Variants in HS6ST3 observed in about 807,000 individuals in gnomAD.
HS6ST3 encodes heparan-sulfate 6-O-sulfotransferase 3.
In HS6ST3, 12 loss-of-function variants were observed where a neutral mutation model predicts 36.7. The observed-to-expected ratio is 0.33, with a 90% CI of 0.21 to 0.53. HS6ST3 has a LOEUF of 0.53. HS6ST3 is among the 20% of genes least tolerant of loss of function. The probability of loss-of-function intolerance (pLI) is 0.95; values close to 1 mark genes in which losing one functional copy is unlikely to be tolerated. For missense variants in HS6ST3, 584 were observed against 640.9 expected, an observed-to-expected ratio of 0.91 and a Z score of 0.96; for synonymous variants, 240 against 257.5, an observed-to-expected ratio of 0.93 and a Z score of 0.65.
chr13:96,166,519 A>G (rs1235956484), intron 1 of HS6ST3, among the ~76,000 whole-genome samples: 2 of 151,300 alleles, frequency 1.3e-5, no homozygotes, highest in African/African-American at 4.9e-5. Context: ...TAGTCTTTTA[A>G]TATAGTCTAG....
At chr13:96,099,435 A>G (rs1341988186) in intron 1 of HS6ST3, among the ~76,000 whole-genome samples, 1 of 152,234 alleles carries the variant, frequency 6.6e-6, no homozygotes, top group Non-Finnish European at 1.5e-5. Context: ...CAGTCCAAGA[A>G]TGGAAACTTG....
intron 1 of HS6ST3, among the ~76,000 whole-genome samples, chr13:96,500,807 A>G (rs1195047589): frequency 6.6e-6 from 1 of 152,242 alleles, no homozygotes; most frequent in Non-Finnish European, 1.5e-5. Context: ...CCCCAGATCA[A>G]TATGAAATCA....
At chr13:96,570,527 T>G (rs2138961654) in intron 1 of HS6ST3, among the ~76,000 whole-genome samples, 1 of 152,334 alleles carries the variant, frequency 6.6e-6, no homozygotes, top group Middle Eastern at 3.4e-3. Context: ...GAGTTGAGAC[T>G]TTGGGTCTAC....
chr13:96,267,420 T>G (rs1264471881), intron 1 of HS6ST3, among the ~76,000 whole-genome samples: 2 of 152,194 alleles, frequency 1.3e-5, no homozygotes, highest in African/African-American at 4.8e-5. Context: ...TAATTCTAAT[T>G]TAACCATTTC....
At chr13:96,326,197 T>C (rs2055030384) in intron 1 of HS6ST3, among the ~76,000 whole-genome samples, 1 of 151,986 alleles carries the variant, frequency 6.6e-6, no homozygotes, top group Admixed American at 6.6e-5. Context: ...TTTATTATAC[T>C]TTAAGTTTTA....
rs1385231742 is a variant in HS6ST3, at chr13:96,274,201, G to A, written c.707+182632G>A. On this transcript the variant is annotated intron_variant, in intron 1 of 1. Transcript: ENST00000376705. ...TAAAATATGGCCACTAGCAGCTCCT[G>A]AATTCCAAAGTTCTGACTGTTTCCA... Among the ~76,000 whole-genome samples the A allele has an allele frequency of 2.0e-5, 3 of 151,728 alleles. No individual in the cohort carries two copies. In the South Asian group the frequency reaches 6.3e-4, roughly 32 times the overall value.
At chr13:96,225,680 A>G (rs1406268982) in intron 1 of HS6ST3, among the ~76,000 whole-genome samples, 1 of 152,170 alleles carries the variant, frequency 6.6e-6, no homozygotes, top group Non-Finnish European at 1.5e-5. Context: ...ACATTTACAA[A>G]TGGATTCTGG....
chr13:96,110,236 G>A (rs924118219), intron 1 of HS6ST3, among the ~76,000 whole-genome samples: 3 of 151,922 alleles, frequency 2.0e-5, no homozygotes, highest in Non-Finnish European at 4.4e-5. Context: ...GGCAAGAGAG[G>A]GAGCAAGAGA....
At chr13:96,793,965 T>C (rs1877852200) in intron 1 of HS6ST3, among the ~76,000 whole-genome samples, 1 of 152,076 alleles carries the variant, frequency 6.6e-6, no homozygotes. Context: ...CAAAATATTG[T>C]TTAAAGATAA....
Position 96,622,776 on chromosome 13 carries a change from C to T in HS6ST3, c.708-209714C>T, listed in dbSNP as rs2056499403. On this transcript the variant is annotated intron_variant, in intron 1 of 1. Coordinates refer to ENST00000376705, the MANE Select transcript of HS6ST3 (RefSeq NM_153456.4). ...TTCATTAATTCACATTTTTCTCAGT[C>T]CTACTTAATAATTTTCTTAAGAAAA... 2.6e-5 allele frequency among the ~76,000 whole-genome samples: 4 copies of T among 152,256 alleles called. No individual in the cohort carries two copies. The South Asian group carries it at 8.3e-4, about 32-fold the overall frequency.
chr13:96,198,641 A>G (rs2054326364), intron 1 of HS6ST3, among the ~76,000 whole-genome samples: 1 of 152,220 alleles, frequency 6.6e-6, no homozygotes, highest in Non-Finnish European at 1.5e-5. Context: ...TTGCTAAAAC[A>G]TAACAAGAGT....
chr13:96,243,779 A>C (rs1290264689), intron 1 of HS6ST3, among the ~76,000 whole-genome samples: 1 of 152,138 alleles, frequency 6.6e-6, no homozygotes, highest in Non-Finnish European at 1.5e-5. Context: ...GGTGCTTCTC[A>C]ATTGGTTAAT....
chr13:96,758,226 A>G (rs1876880644), intron 1 of HS6ST3, among the ~76,000 whole-genome samples: 1 of 151,968 alleles, frequency 6.6e-6, no homozygotes, highest in Non-Finnish European at 1.5e-5. Context: ...ATTTTGCAAT[A>G]AAGTTGTTCC....
At chr13:96,798,787 C>T (rs1189778583) in intron 1 of HS6ST3, among the ~76,000 whole-genome samples, 2 of 152,062 alleles carry the variant, frequency 1.3e-5, no homozygotes, top group South Asian at 2.1e-4. Context: ...ATACCACAGA[C>T]TATATGAGCT....
chr13:96,832,906 C>T lies in HS6ST3; in HGVS notation c.1124C>T (p.Pro375Leu). The change falls in exon 2 of 2, where the codon CCC (proline) becomes CTC (leucine). Residue 375 changes from proline (P) to leucine (L), a missense_variant. Pro to Leu is a moderately conservative substitution (Grantham distance 98). This residue lies in a region of HS6ST3 where 360 missense variants were observed against 411.3 expected (regional missense o/e 0.88). Coordinates refer to ENST00000376705, the MANE Select transcript of HS6ST3 (RefSeq NM_153456.4). ...ACATTCAACCTCAAGTTCATCTCCCCCTTCACACAGTTCAACATCACGCGG... is the reference window on the plus strand; with the variant it reads ...ACATTCAACCTCAAGTTCATCTCCCTCTTCACACAGTTCAACATCACGCGG... The part of the protein sequence containing the change: ...ERTFNLKFIS[P>L]FTQFNITRAS... The T allele has an allele frequency of 6.2e-7, 1 of 1,614,174 alleles. No homozygotes were observed. Among genetic ancestry groups the T allele is most frequent in the African/African-American group, 1.3e-5 (1 of 75,052 alleles).
At chr13:96,512,282 A>G (rs1490467616) in intron 1 of HS6ST3, among the ~76,000 whole-genome samples, 1 of 152,162 alleles carries the variant, frequency 6.6e-6, no homozygotes, top group Non-Finnish European at 1.5e-5. Context: ...TGTATTTGTT[A>G]CTATGACTCT....
chr13:96,264,640 G>C (rs867790044), intron 1 of HS6ST3, among the ~76,000 whole-genome samples: 1 of 152,156 alleles, frequency 6.6e-6, no homozygotes, highest in South Asian at 2.1e-4. Context: ...GAGCATAAAC[G>C]TATGTAACTT....
chr13:96,606,333 G>A (rs1200347869), intron 1 of HS6ST3, among the ~76,000 whole-genome samples: 5 of 152,124 alleles, frequency 3.3e-5, no homozygotes, highest in African/African-American at 4.8e-5. Flanking sequence ...ATGCCCATCA[G>A]TGGTGGACTT....
rs1345348844 is a variant in HS6ST3 at position 96,833,415 on chromosome 13, G to C, written c.*217G>C. 1.9e-6 allele frequency: 1 copy of C among 536,114 alleles called. No individual in the cohort carries two copies. Among genetic ancestry groups the C allele is most frequent in the Non-Finnish European group, 3.3e-6 (1 of 306,664 alleles). 33.2% of individuals were successfully genotyped at this position (536,114 alleles called of 1,614,324 possible). On this transcript the variant is annotated 3_prime_UTR_variant, in exon 2 of 2. Coordinates refer to ENST00000376705, the MANE Select transcript of HS6ST3 (RefSeq NM_153456.4). ...ATTTTGCAATTGGTGATATTAAGTA[G>C]GGTAGGAGTGCATCCCATATAGGCC... is the stretch of plus-strand genomic sequence containing the variant.
Sources: gnomAD v4.1 joint callset for allele counts (sites outside exome capture counted in the v4.1 genomes callset) on GRCh38, gnomAD v4.1.1 for gene constraint, gnomAD v4.1.1 regional missense constraint, MANE v1.5 for transcripts, NCBI Gene and HGNC (gene_info 2026-07-23, HGNC 2026-07-21) for gene names.